Variants in SORCS1 observed in about 807,000 individuals in gnomAD.
The protein encoded by SORCS1 is sortilin related VPS10 domain containing receptor 1, also known as VPS10 domain-containing receptor SorCS1.
In SORCS1, 60 loss-of-function variants were observed where a neutral mutation model predicts 146.1. The ratio of observed to expected loss-of-function variants is 0.41; its 90% CI spans 0.33 to 0.51. The LOEUF (loss-of-function observed/expected upper bound fraction) is 0.51, where lower values mean the gene tolerates loss of function less well. Among genes scored for constraint, SORCS1 ranks in the 20% least tolerant of loss-of-function variants. SORCS1 has a pLI of 0.21. For missense variants in SORCS1, 1,352 were observed against 1,487.6 expected (o/e 0.91, Z 1.50); for synonymous variants, 637 against 584.0 (o/e 1.09, Z -1.31).
chr10:107,153,151 T>C (rs1474891328), intron 1 of SORCS1, among the ~76,000 whole-genome samples: 5 of 151,846 alleles, frequency 3.3e-5, no homozygotes, highest in African/African-American at 1.2e-4. Context: ...ATCTGTTATT[T>C]ATGTCTCTCT....
chr10:106,879,650 G>C (rs1342088076), intron 2 of SORCS1, among the ~76,000 whole-genome samples: 2 of 152,214 alleles, frequency 1.3e-5, no homozygotes, highest in Admixed American at 6.5e-5. Context: ...GAAAAAGAGA[G>C]ATTTAAAGTG....
chr10:107,026,574 C>A (rs112360370), intron 1 of SORCS1, among the ~76,000 whole-genome samples: 3 of 150,856 alleles, frequency 2.0e-5, no homozygotes, highest in Admixed American at 6.6e-5. Flanking sequence ...GCCGAGATTG[C>A]GCCACCACAC....
At chr10:106,936,298 G>A (rs1267505093) in intron 2 of SORCS1, among the ~76,000 whole-genome samples, 3 of 152,164 alleles carry the variant, frequency 2.0e-5, no homozygotes, top group Admixed American at 6.5e-5. Context: ...CAACAAGATG[G>A]TTGCTAACTA....
chr10:106,873,638 GC>G (rs141139795), intron 2 of SORCS1, among the ~76,000 whole-genome samples: 42,613 of 151,926 alleles, frequency 0.28, 7,087 homozygotes, highest in Non-Finnish European at 0.37. Flanking sequence ...ATACGTTCCT[GC>G]TTTTTAGATG....
At position 106,706,435 on chromosome 10, in the gene SORCS1, T is replaced by G. The variant is rs568429885; in HGVS notation, c.1233+110A>C. The G allele has an allele frequency of 8.6e-6, 9 of 1,045,812 alleles. No individual in the cohort carries two copies. The East Asian group carries it at 2.2e-4, about 26-fold the overall frequency. 64.8% of individuals were successfully genotyped at this position (1,045,812 alleles called of 1,614,324 possible). On this transcript the variant is annotated intron_variant, in intron 8 of 25. Transcript: ENST00000263054. ...ACTTGGGAAACAGAGATGAGAGATG[T>G]AAAGAAAACATGACTATGAGAGGCT...
At chr10:106,757,388 G>A (rs143402838) in intron 5 of SORCS1, among the ~76,000 whole-genome samples, 1 of 152,204 alleles carries the variant, frequency 6.6e-6, no homozygotes, top group East Asian at 1.9e-4. Context: ...ATGATTAAAG[G>A]AGGTTTCTTT....
intron 1 of SORCS1, among the ~76,000 whole-genome samples, chr10:107,025,311 A>C (rs994915936): frequency 1.3e-5 from 2 of 152,242 alleles, no homozygotes; most frequent in African/African-American, 4.8e-5. Flanking sequence ...TGAAAGAAGG[A>C]ATCAACCCCA....
intron 18 of SORCS1, among the ~76,000 whole-genome samples, chr10:106,636,695 T>C (rs925019632): frequency 5.9e-5 from 9 of 152,184 alleles, no homozygotes; most frequent in Non-Finnish European, 1.0e-4. Context: ...CTGGGGATTA[T>C]AGGGATTACA....
rs937640431 is a variant in SORCS1 at position 106,731,297 on chromosome 10, A to G, written c.960-1183T>C. On this transcript the variant is annotated intron_variant, in intron 5 of 25. Transcript: ENST00000263054. Reference sequence around the variant, plus strand: ...GACGGAGTGAGACTCCGTCTCAAAAAAAAAAAAAAAAAAAAAAAAAAAAAG... The same window carrying G: ...GACGGAGTGAGACTCCGTCTCAAAAGAAAAAAAAAAAAAAAAAAAAAAAAG... 3.1e-3 allele frequency among the ~76,000 whole-genome samples: 440 copies of G among 142,510 alleles called. 20 individuals carry two copies. The highest frequency in any genetic ancestry group is 0.021 in the Admixed American group (295 of 13,872). The allele number at this position is 142,510 out of a possible 152,430, so 93.5% of individuals were successfully genotyped here.
chr10:106,644,177 T>C (rs989543243), intron 18 of SORCS1, among the ~76,000 whole-genome samples: 3 of 152,166 alleles, frequency 2.0e-5, no homozygotes, highest in Non-Finnish European at 4.4e-5. Flanking sequence ...AAGCTTTTTG[T>C]TGAGTAAAAT....
intron 5 of SORCS1, among the ~76,000 whole-genome samples, chr10:106,750,472 TGCAATACCA>T (rs1858067551): frequency 6.6e-6 from 1 of 151,870 alleles, no homozygotes; most frequent in Non-Finnish European, 1.5e-5. Context: ...GGTTCAGGCC[TGCAATACCA>T]GCACTTTGGG....
chr10:107,015,880 T>C (rs1388329338), intron 1 of SORCS1, among the ~76,000 whole-genome samples: 3 of 152,226 alleles, frequency 2.0e-5, no homozygotes, highest in East Asian at 1.9e-4. Context: ...TTGGGTATAA[T>C]GTAAATGACT....
intron 6 of SORCS1, among the ~76,000 whole-genome samples, chr10:106,714,468 A>G (rs1489028909): frequency 1.3e-5 from 2 of 152,192 alleles, no homozygotes; most frequent in Non-Finnish European, 2.9e-5. Flanking sequence ...CCATGGTTAC[A>G]TAAAATGTTA....
chr10:106,632,777 G>C (rs1848511713), intron 18 of SORCS1, among the ~76,000 whole-genome samples: 1 of 152,186 alleles, frequency 6.6e-6, no homozygotes, highest in Non-Finnish European at 1.5e-5. Context: ...AAGGTACATG[G>C]AGTTGTAAGC....
chr10:106,595,831 T>G (rs1316071509), intron 24 of SORCS1, among the ~76,000 whole-genome samples: 1 of 152,192 alleles, frequency 6.6e-6, no homozygotes, highest in African/African-American at 2.4e-5. Flanking sequence ...ATCCATACTT[T>G]AAGGTTCTTC....
intron 5 of SORCS1, among the ~76,000 whole-genome samples, chr10:106,760,978 G>T (rs1859065137): frequency 6.6e-6 from 1 of 152,040 alleles, no homozygotes; most frequent in Admixed American, 6.6e-5. Flanking sequence ...ATGGTGGCGT[G>T]CACCTATAAT....
intron 3 of SORCS1, among the ~76,000 whole-genome samples, chr10:106,801,675 GC>G (rs1240048588): frequency 6.6e-6 from 1 of 151,794 alleles, no homozygotes; most frequent in Non-Finnish European, 1.5e-5. Flanking sequence ...GACTACAGGC[GC>G]CCGCCACCAC....
At chr10:107,008,244 A>G (rs1180770823) in intron 1 of SORCS1, among the ~76,000 whole-genome samples, 1 of 152,144 alleles carries the variant, frequency 6.6e-6, no homozygotes, top group Non-Finnish European at 1.5e-5. Flanking sequence ...GTACAATTTC[A>G]TTGGTTTCCA....
chr10:106,600,682 A>G, intron 23 of SORCS1: 1 of 985,464 alleles, frequency 1.0e-6, no homozygotes, highest in African/African-American at 1.7e-5. Context: ...AACACATCTT[A>G]GGTGTCAGTG....
Sources: gnomAD v4.1 joint callset for allele counts (sites outside exome capture counted in the v4.1 genomes callset) on GRCh38, gnomAD v4.1.1 for gene constraint, MANE v1.5 for transcripts, NCBI Gene and HGNC (gene_info 2026-07-23, HGNC 2026-07-21) for gene names.